Variants in CSMD2 observed in about 807,000 individuals in gnomAD.
The protein encoded by CSMD2 is CUB and sushi domain-containing protein 2.
CSMD2 carries 130 observed loss-of-function variants against 398.5 expected under a neutral mutation model. That is an observed-to-expected ratio of 0.33 (90% CI 0.28 to 0.38). The LOEUF (loss-of-function observed/expected upper bound fraction) is 0.38, where lower values mean the gene tolerates loss of function less well. Ranked by LOEUF, CSMD2 falls within the 10% of genes least tolerant of loss-of-function variation. CSMD2 has a pLI of 1.00. For synonymous variants in CSMD2, 1,828 were observed against 1,908.5 expected, an observed-to-expected ratio of 0.96 and a Z score of 1.10; for missense variants, 3,829 against 4,764.9, an observed-to-expected ratio of 0.80 and a Z score of 5.78.
At chr1:33,929,444 T>TTTTTTTTTTTTTTTTTTTC (rs1644242039) in intron 4 of CSMD2, among the ~76,000 whole-genome samples, 1 of 146,150 alleles carries the variant, frequency 6.8e-6, no homozygotes, top group African/African-American at 2.6e-5. Context: ...TTTTTTTTTT[T>TTTTTTTTTTTTTTTTTTTC]TTTTTTTTTT....
chr1:33,682,326 C>T lies in CSMD2; in HGVS notation c.4052+10604G>A, dbSNP rs147079499. Among the ~76,000 whole-genome samples, 27 of 152,304 alleles carry T rather than the reference C, an allele frequency of 1.8e-4. No individual in the cohort carries two copies. In the East Asian group the frequency reaches 5.0e-3, roughly 28 times the overall value. ...AAAATCCTTAATTTAATCACACCTGCAGAGACCCTTTATCCAAATAAGGCA... is the reference window on the plus strand; with the variant it reads ...AAAATCCTTAATTTAATCACACCTGTAGAGACCCTTTATCCAAATAAGGCA... On this transcript the variant is annotated intron_variant, in intron 25 of 70. Transcript: ENST00000373381.
intron 3 of CSMD2, among the ~76,000 whole-genome samples, chr1:33,988,540 A>C (rs1646438157): frequency 6.6e-6 from 1 of 152,106 alleles, no homozygotes. Flanking sequence ...ACCCTATTTT[A>C]GTTATCTTTC....
At position 33,960,398 on chromosome 1, in the gene CSMD2, A is replaced by G. The variant is rs1645315498; in HGVS notation, c.518-24444T>C. 2.0e-5 allele frequency among the ~76,000 whole-genome samples: 3 copies of G among 152,346 alleles called. No individual in the cohort carries two copies. In the South Asian group the frequency reaches 6.2e-4, roughly 32 times the overall value. On this transcript the variant is annotated intron_variant, in intron 3 of 70. Coordinates refer to ENST00000373381, the MANE Select transcript of CSMD2 (RefSeq NM_001281956.2). ...AGGTAGATTCGCTCACACAGACATT[A>G]TCAGACCACTGACTTGGAACCCTGA...
chr1:33,877,169 C>T (rs1203971835), intron 5 of CSMD2, among the ~76,000 whole-genome samples: 1 of 152,214 alleles, frequency 6.6e-6, no homozygotes, highest in African/African-American at 2.4e-5. Flanking sequence ...CTTATTCTAT[C>T]CTGTAATGGC....
intron 44 of CSMD2, among the ~76,000 whole-genome samples, chr1:33,591,535 G>C (rs1161203564): frequency 6.6e-6 from 1 of 152,150 alleles, no homozygotes; most frequent in Non-Finnish European, 1.5e-5. Flanking sequence ...CATCACCTGA[G>C]TTTTTAAAAT....
At chr1:33,955,009 T>G (rs181733109) in intron 3 of CSMD2, among the ~76,000 whole-genome samples, 1 of 152,198 alleles carries the variant, frequency 6.6e-6, no homozygotes, top group African/African-American at 2.4e-5. Context: ...ATAATAATTC[T>G]TTTAAAAGGA....
At chr1:33,803,838 T>C (rs1655904712) in intron 10 of CSMD2, among the ~76,000 whole-genome samples, 1 of 152,236 alleles carries the variant, frequency 6.6e-6, no homozygotes, top group South Asian at 2.1e-4. Context: ...TTCCTGCTAT[T>C]GCTTTAGTTC....
At position 33,575,442 on chromosome 1, in the gene CSMD2, G is replaced by C. The variant is rs1035098164; in HGVS notation, c.7576+1854C>G. ...GACAGCCATGGTCTCCATGGAGGGA[G>C]GAAGTGAAGACAGCCAGCTGGGTAG... On this transcript the variant is annotated intron_variant, in intron 49 of 70. Transcript: ENST00000373381. 3.3e-5 allele frequency among the ~76,000 whole-genome samples: 5 copies of C among 152,282 alleles called. 1 individual carries two copies. In the South Asian group the frequency reaches 8.3e-4, roughly 25 times the overall value.
At chr1:33,803,556 G>A (rs1655863602) in intron 10 of CSMD2, among the ~76,000 whole-genome samples, 1 of 152,144 alleles carries the variant, frequency 6.6e-6, no homozygotes, top group Admixed American at 6.5e-5. Flanking sequence ...TACCTACTAT[G>A]TGCCTGGAAC....
chr1:34,161,147 G>T (rs1470733885), intron 1 of CSMD2, among the ~76,000 whole-genome samples: 2 of 152,116 alleles, frequency 1.3e-5, no homozygotes, highest in Non-Finnish European at 2.9e-5. Flanking sequence ...CCATAACTGG[G>T]AGGCTACAGG....
At chr1:33,536,144 G>C (rs781294687) in intron 62 of CSMD2, among the ~76,000 whole-genome samples, 14 of 152,162 alleles carry the variant, frequency 9.2e-5, no homozygotes, top group Non-Finnish European at 1.5e-5. Flanking sequence ...TCATGTCCAG[G>C]TGAGTCCGAT....
chr1:33,897,354 C>A (rs760834387), intron 5 of CSMD2, among the ~76,000 whole-genome samples: 1 of 152,154 alleles, frequency 6.6e-6, no homozygotes, highest in South Asian at 2.1e-4. Flanking sequence ...CCTGGCTCTG[C>A]CACATGTTTG....
At chr1:33,716,237 G>A (rs767889777) in intron 20 of CSMD2, 49 bp downstream of exon 20, 2 of 1,460,972 alleles carry the variant, frequency 1.4e-6, no homozygotes, top group South Asian at 1.1e-5. Context: ...GAAGGAGAGA[G>A]CAAATAGCAC....
At chr1:33,646,532 G>T in intron 29 of CSMD2, 116 bp downstream of exon 29, 2 of 1,107,888 alleles carry the variant, frequency 1.8e-6, no homozygotes, top group East Asian at 2.4e-5. Context: ...CAGTGCTAGG[G>T]TTGGTGTGGG....
At chr1:33,967,537 C>T (rs1034049006) in intron 3 of CSMD2, among the ~76,000 whole-genome samples, 4 of 152,200 alleles carry the variant, frequency 2.6e-5, no homozygotes, top group African/African-American at 9.6e-5. Flanking sequence ...CCACGTCCCC[C>T]TCTGCACTCC....
chr1:33,618,692 C>T (rs755697855), intron 37 of CSMD2, among the ~76,000 whole-genome samples: 22 of 152,102 alleles, frequency 1.4e-4, no homozygotes, highest in Non-Finnish European at 2.6e-4. Flanking sequence ...GCTCACTGAG[C>T]ACTTCCATGA....
At chr1:33,700,963 G>T (rs925030467) in intron 22 of CSMD2, among the ~76,000 whole-genome samples, 1 of 152,158 alleles carries the variant, frequency 6.6e-6, no homozygotes, top group Non-Finnish European at 1.5e-5. Flanking sequence ...TCTTGTTCCC[G>T]CAATGCCCAT....
chr1:34,061,899 G>A (rs1417594226), intron 2 of CSMD2, among the ~76,000 whole-genome samples: 3 of 152,122 alleles, frequency 2.0e-5, no homozygotes. Context: ...CATGGCCCTA[G>A]AGGTTGAAAG....
intron 11 of CSMD2, among the ~76,000 whole-genome samples, chr1:33,789,195 A>C (rs1653922565): frequency 6.6e-6 from 1 of 152,072 alleles, no homozygotes; most frequent in South Asian, 2.1e-4. Flanking sequence ...TCAATGAGAC[A>C]TCTCCTTCCA....
Sources: allele counts gnomAD v4.1 joint callset (sites outside exome capture counted in the v4.1 genomes callset), GRCh38; gene constraint gnomAD v4.1.1; transcripts MANE v1.5; gene names NCBI Gene and HGNC (gene_info 2026-07-23, HGNC 2026-07-21).